NEK7: variants seen among roughly 807,000 people sequenced by gnomAD.
NEK7 encodes the protein serine/threonine-protein kinase Nek7.
NEK7 carries 18 observed loss-of-function variants against 44.6 expected under a neutral mutation model. The ratio of observed to expected loss-of-function variants is 0.40; its 90% CI spans 0.28 to 0.60. NEK7 has a LOEUF of 0.60. NEK7 is among the 20% of genes least tolerant of loss of function. The pLI is 0.38. For missense variants in NEK7, 256 were observed against 366.5 expected (o/e 0.70, Z 2.46); for synonymous variants, 130 against 121.1 (o/e 1.07, Z -0.48).
Position 198,262,562 on chromosome 1 carries a change from G to T in NEK7, c.199-13G>T. ...TTATTATTTTATTAAGTAATTCTGG[G>T]TTCTGTTTTTAGATATTTGATTTAA... On this transcript the variant is annotated splice_polypyrimidine_tract_variant and intron_variant, in intron 3 of 9. Coordinates refer to ENST00000367385, the MANE Select transcript of NEK7 (RefSeq NM_133494.3). The T allele has an allele frequency of 6.5e-7, 1 of 1,543,528 alleles. No individual in the cohort carries two copies. Among genetic ancestry groups the T allele is most frequent in the East Asian group, 2.3e-5 (1 of 44,178 alleles).
At chr1:198,166,723 A>G (rs546547052) in intron 1 of NEK7, among the ~76,000 whole-genome samples, 2 of 152,322 alleles carry the variant, frequency 1.3e-5, no homozygotes, top group South Asian at 4.1e-4. Flanking sequence ...CCCCAAAACA[A>G]ATACAGTAAC....
intron 2 of NEK7, among the ~76,000 whole-genome samples, chr1:198,235,911 A>G (rs937386883): frequency 1.3e-5 from 2 of 152,156 alleles, no homozygotes; most frequent in Non-Finnish European, 2.9e-5. Flanking sequence ...TTATTCTTAC[A>G]GTGTGGAAAG....
intron 9 of NEK7, among the ~76,000 whole-genome samples, chr1:198,299,769 A>T (rs913353927): frequency 2.0e-5 from 3 of 152,194 alleles, no homozygotes; most frequent in Non-Finnish European, 4.4e-5. Context: ...AGTCAGCCTC[A>T]GTTGATAGGA....
chr1:198,292,954 C>A lies in NEK7; in HGVS notation c.599C>A (p.Pro200His), dbSNP rs1654604574. Residue 200 changes from proline (P) to histidine (H), a missense_variant, in exon 8 of 10, where the codon CCT becomes CAT. This residue lies in a region of NEK7 where 102 missense variants were observed against 205.2 expected (regional missense o/e 0.50). Transcript: ENST00000367385. ...GTTTGTTTTTTTGCAGTTGGTACGC[C>A]TTATTACATGTCTCCAGAGAGAATA... ...TTAAHSLVGT[P>H]YYMSPERIHE... 6.3e-7 allele frequency: 1 copy of A among 1,575,798 alleles called. No individual in the cohort carries two copies. Among genetic ancestry groups the A allele is most frequent in the East Asian group, 2.2e-5 (1 of 44,486 alleles).
intron 8 of NEK7, among the ~76,000 whole-genome samples, chr1:198,293,509 C>G (rs931927695): frequency 2.0e-5 from 3 of 151,874 alleles, no homozygotes; most frequent in African/African-American, 7.2e-5. Flanking sequence ...AATTTAGTTT[C>G]CATGAGTAAC....
intron 4 of NEK7, among the ~76,000 whole-genome samples, chr1:198,263,454 C>T (rs1653546579): frequency 6.6e-6 from 1 of 151,848 alleles, no homozygotes; most frequent in Admixed American, 6.6e-5. Flanking sequence ...AGAAGAAAGT[C>T]ACCCATACTT....
intron 9 of NEK7, among the ~76,000 whole-genome samples, chr1:198,312,274 C>A (rs1321774035): frequency 2.3e-4 from 34 of 150,746 alleles, no homozygotes; most frequent in Non-Finnish European, 1.5e-5. Context: ...TCTGTGGGAT[C>A]GGTGGTGATA....
chr1:198,236,106 T>C (rs1666539013), intron 2 of NEK7, among the ~76,000 whole-genome samples: 1 of 152,206 alleles, frequency 6.6e-6, no homozygotes, highest in Admixed American at 6.5e-5. Flanking sequence ...GGGTTCATTG[T>C]AGGCCAGCCA....
chr1:198,198,105 G>C, intron 1 of NEK7: 2 of 1,275,712 alleles, frequency 1.6e-6, no homozygotes, highest in Non-Finnish European at 2.2e-6. Context: ...GGTGGTGGGT[G>C]GGCAGGATTG....
intron 7 of NEK7, among the ~76,000 whole-genome samples, chr1:198,283,267 C>T (rs899454714): frequency 2.6e-5 from 4 of 152,110 alleles, no homozygotes; most frequent in Admixed American, 1.3e-4. Flanking sequence ...GAGCCTCCTT[C>T]GTTCTTCTTT....
At chr1:198,266,342 T>C (rs151017447) in intron 5 of NEK7, among the ~76,000 whole-genome samples, 5 of 152,200 alleles carry the variant, frequency 3.3e-5, no homozygotes, top group African/African-American at 9.6e-5. Context: ...CTTAAATAGT[T>C]AGTACCAATT....
chr1:198,241,772 G>A (rs555544711), intron 2 of NEK7, among the ~76,000 whole-genome samples: 1 of 152,288 alleles, frequency 6.6e-6, no homozygotes, highest in African/African-American at 2.4e-5. Flanking sequence ...TAGTAAATGA[G>A]ATGAATCAAG....
At chr1:198,275,239 T>A (rs1201447228) in intron 5 of NEK7, among the ~76,000 whole-genome samples, 4 of 150,964 alleles carry the variant, frequency 2.6e-5, no homozygotes, top group Non-Finnish European at 5.9e-5. Context: ...TATGTCCAAG[T>A]GATCAGGTAT....
intron 1 of NEK7, among the ~76,000 whole-genome samples, chr1:198,210,249 A>G (rs1665722788): frequency 6.6e-6 from 1 of 152,076 alleles, no homozygotes; most frequent in Admixed American, 6.6e-5. Context: ...ACATGCCACC[A>G]TGCCCAGCTG....
chr1:198,157,621 T>G (rs1288670245), intron 1 of NEK7, among the ~76,000 whole-genome samples: 1 of 152,204 alleles, frequency 6.6e-6, no homozygotes, highest in Admixed American at 6.5e-5. Flanking sequence ...TTAAGCGAAG[T>G]CCCGCCTTCC....
chr1:198,170,713 A>G (rs992351663), intron 1 of NEK7, among the ~76,000 whole-genome samples: 7 of 152,178 alleles, frequency 4.6e-5, no homozygotes, highest in African/African-American at 1.4e-4. Flanking sequence ...TGATGGTTTG[A>G]ATACCATGCT....
At chr1:198,303,051 T>TA (rs1433516952) in intron 9 of NEK7, among the ~76,000 whole-genome samples, 1 of 152,154 alleles carries the variant, frequency 6.6e-6, no homozygotes, top group Non-Finnish European at 1.5e-5. Context: ...CATAGCAGGT[T>TA]AGAGGGCAGA....
rs900101079 is a variant in NEK7, at chr1:198,191,955, A to G, written c.-29+34679A>G. 3.9e-5 allele frequency among the ~76,000 whole-genome samples: 6 copies of G among 152,138 alleles called. No homozygotes were observed. The East Asian group carries it at 9.6e-4, about 24-fold the overall frequency. ...AGATTTTTCCTGCATAGTAGTTCCA[A>G]TGTTCTCCCTGTCTTTTCCTGCTTC... is the stretch of plus-strand genomic sequence containing the variant. On this transcript the variant is annotated intron_variant, in intron 1 of 9. Transcript: ENST00000367385.
intron 7 of NEK7, among the ~76,000 whole-genome samples, chr1:198,288,634 C>A (rs1020543285): frequency 6.6e-6 from 1 of 152,150 alleles, no homozygotes; most frequent in Non-Finnish European, 1.5e-5. Flanking sequence ...TGCCTTCTCT[C>A]TAAAGCAGTA....
Sources: gnomAD v4.1 joint callset for allele counts (sites outside exome capture counted in the v4.1 genomes callset) on GRCh38, gnomAD v4.1.1 for gene constraint, gnomAD v4.1.1 regional missense constraint, MANE v1.5 for transcripts, NCBI Gene and HGNC (gene_info 2026-07-23, HGNC 2026-07-21) for gene names.